Variants in GALK2 observed in about 807,000 individuals in gnomAD.
GALK2 encodes galactokinase 2, also known as N-acetylgalactosamine kinase.
Under a neutral mutation model 52.4 loss-of-function variants are expected in GALK2, and 36 were observed. The observed-to-expected ratio is 0.69, with a 90% CI of 0.53 to 0.91. The LOEUF (loss-of-function observed/expected upper bound fraction) is 0.91, where lower values mean the gene tolerates loss of function less well. Ranked by LOEUF, GALK2 falls within the 40% of genes least tolerant of loss-of-function variation. The pLI is 0.00. For synonymous variants in GALK2, 176 were observed against 199.1 expected, an observed-to-expected ratio of 0.88 and a Z score of 0.98; for missense variants, 579 against 559.1, an observed-to-expected ratio of 1.04 and a Z score of -0.36.
At chr15:49,192,817 T>A (rs1050002467) in intron 1 of GALK2, among the ~76,000 whole-genome samples, 2 of 151,942 alleles carry the variant, frequency 1.3e-5, no homozygotes, top group Non-Finnish European at 2.9e-5. Flanking sequence ...AAGGGCCTTT[T>A]AAAAATTTTT....
At chr15:49,199,245 GTAGTTCACTATGGTC>G (rs1411113281) in intron 1 of GALK2, 1 of 152,036 alleles carries the variant, frequency 6.6e-6, no homozygotes, top group African/African-American at 2.4e-5. Flanking sequence ...CTAATGTTTT[GTAGTTCACTATGGTC>G]TTCTTTTCTC....
intron 5 of GALK2, among the ~76,000 whole-genome samples, chr15:49,241,410 T>A (rs2091087824): frequency 6.6e-6 from 1 of 151,548 alleles, no homozygotes; most frequent in Admixed American, 6.6e-5. Flanking sequence ...GATTGAGGAG[T>A]AGTCCAGTAA....
intron 3 of GALK2, among the ~76,000 whole-genome samples, chr15:49,220,406 AT>A (rs761690609): frequency 1.6e-4 from 25 of 152,146 alleles, no homozygotes; most frequent in Non-Finnish European, 2.9e-4. Flanking sequence ...ATTGCTGCAA[AT>A]GACATGATTT....
chr15:49,284,812 C>T (rs996913309), intron 7 of GALK2, among the ~76,000 whole-genome samples: 1 of 152,088 alleles, frequency 6.6e-6, no homozygotes, highest in South Asian at 2.1e-4. Flanking sequence ...CTGTATGTCT[C>T]TCTATATCTG....
At chr15:49,161,490 A>G (rs974127528) in intron 1 of GALK2, among the ~76,000 whole-genome samples, 4 of 152,112 alleles carry the variant, frequency 2.6e-5, no homozygotes, top group Non-Finnish European at 5.9e-5. Flanking sequence ...CCGTTAAGAT[A>G]CTCTCTTTTA....
At chr15:49,189,817 A>G (rs1188015150) in intron 1 of GALK2, among the ~76,000 whole-genome samples, 1 of 152,204 alleles carries the variant, frequency 6.6e-6, no homozygotes, top group Non-Finnish European at 1.5e-5. Flanking sequence ...TATGCTACTC[A>G]GAATAGTGTG....
intron 5 of GALK2, among the ~76,000 whole-genome samples, chr15:49,279,497 T>A (rs2032379955): frequency 6.6e-6 from 1 of 152,208 alleles, no homozygotes; most frequent in Non-Finnish European, 1.5e-5. Context: ...CAGGTGAGGT[T>A]CAAATCCTGG....
intron 8 of GALK2, among the ~76,000 whole-genome samples, chr15:49,299,049 G>C (rs1484339528): frequency 6.6e-6 from 1 of 152,064 alleles, no homozygotes; most frequent in Non-Finnish European, 1.5e-5. Flanking sequence ...GCTTTTTCTG[G>C]TTGGTAGATT....
chr15:49,232,199 T>C (rs1424963816), intron 3 of GALK2, among the ~76,000 whole-genome samples: 1 of 152,222 alleles, frequency 6.6e-6, no homozygotes, highest in Admixed American at 6.5e-5. Context: ...CTCTGAACAT[T>C]GGCAGGCTAA....
intron 4 of GALK2, among the ~76,000 whole-genome samples, chr15:49,237,872 G>C (rs908459764): frequency 2.0e-5 from 3 of 151,684 alleles, no homozygotes; most frequent in African/African-American, 7.3e-5. Context: ...TAAACAAGCT[G>C]TCTGATATTC....
chr15:49,198,405 C>G (rs932772933), intron 1 of GALK2, among the ~76,000 whole-genome samples: 3 of 152,082 alleles, frequency 2.0e-5, no homozygotes, highest in Admixed American at 2.0e-4. Context: ...GGACACTGTT[C>G]CAAATGACCT....
At chr15:49,290,046 A>G (rs1402195168) in intron 7 of GALK2, among the ~76,000 whole-genome samples, 1 of 152,154 alleles carries the variant, frequency 6.6e-6, no homozygotes, top group Non-Finnish European at 1.5e-5. Context: ...TCCCCACCCT[A>G]CTACTGAGTG....
In GALK2 at chr15:49,328,405, C is replaced by CT; in HGVS notation, c.*248dup. On this transcript the variant is annotated 3_prime_UTR_variant, in exon 10 of 10. Transcript: ENST00000560031. ...GCTTGGACAGATCTTTTAAGAATAA[C>CT]TTACTGAGATTTATTGATTTGAAGA... 1.4e-6 allele frequency: 2 copies of CT among 1,430,016 alleles called. No homozygotes were observed. Among genetic ancestry groups the CT allele is most frequent in the Non-Finnish European group, 1.8e-6 (2 of 1,094,844 alleles). 88.6% of individuals were successfully genotyped at this position (1,430,016 alleles called of 1,614,324 possible).
chr15:49,156,181 T>C, intron 1 of GALK2: 5 of 669,352 alleles, frequency 7.5e-6, no homozygotes, highest in Middle Eastern at 2.9e-4. Flanking sequence ...GGTATGCAGC[T>C]ATCAGTTGAG....
At chr15:49,208,724 A>G (rs1317415876) in intron 2 of GALK2, among the ~76,000 whole-genome samples, 1 of 152,172 alleles carries the variant, frequency 6.6e-6, no homozygotes, top group African/African-American at 2.4e-5. Flanking sequence ...TTCTGTCTTG[A>G]TGACCTGTCT....
chr15:49,214,561 T>C (rs111793961), intron 2 of GALK2, among the ~76,000 whole-genome samples: 34,431 of 150,302 alleles, frequency 0.23, 4,154 homozygotes, highest in South Asian at 0.29. Context: ...AGGATAGTCT[T>C]GATCTCCTGA....
At chr15:49,156,141 A>T in intron 1 of GALK2, 2 of 947,070 alleles carry the variant, frequency 2.1e-6, no homozygotes, top group Non-Finnish European at 1.7e-6. Context: ...TTTGTAGTTG[A>T]CAAAACAATT....
At chr15:49,221,469 C>T (rs1460870263) in intron 3 of GALK2, among the ~76,000 whole-genome samples, 1 of 151,864 alleles carries the variant, frequency 6.6e-6, no homozygotes, top group African/African-American at 2.4e-5. Flanking sequence ...AGTTTGAGAC[C>T]AGCCTGGCCA....
intron 8 of GALK2, among the ~76,000 whole-genome samples, chr15:49,306,004 A>G (rs2035515077): frequency 6.6e-6 from 1 of 152,236 alleles, no homozygotes; most frequent in African/African-American, 2.4e-5. Context: ...TGTTTGTGAA[A>G]GTGAAAGATT....
Sources: gnomAD v4.1 joint callset for allele counts (sites outside exome capture counted in the v4.1 genomes callset) on GRCh38, gnomAD v4.1.1 for gene constraint, MANE v1.5 for transcripts, NCBI Gene and HGNC (gene_info 2026-07-23, HGNC 2026-07-21) for gene names.